The following ITGB6 variants were observed in gnomAD, a reference collection of about 807,000 sequenced individuals.
ITGB6 encodes integrin subunit beta 6.
Under a neutral mutation model 84.5 loss-of-function variants are expected in ITGB6, and 80 were observed. The ratio of observed to expected loss-of-function variants is 0.95; its 90% CI spans 0.79 to 1.14. ITGB6 has a LOEUF of 1.14. ITGB6 is among the 50% of genes most tolerant of loss of function. ITGB6 has a pLI of 0.00. For missense variants in ITGB6, 1,006 were observed against 968.0 expected (o/e 1.04, Z -0.52); for synonymous variants, 383 against 354.9 (o/e 1.08, Z -0.89).
chr2:160,175,000 T>C (rs1001859669), intron 4 of ITGB6, among the ~76,000 whole-genome samples: 2 of 152,230 alleles, frequency 1.3e-5, no homozygotes, highest in African/African-American at 4.8e-5. Flanking sequence ...GTAGGCTCAC[T>C]GGCGTGCATT....
At chr2:160,155,456 T>C (rs1684589433) in intron 7 of ITGB6, among the ~76,000 whole-genome samples, 2 of 152,174 alleles carry the variant, frequency 1.3e-5, no homozygotes, top group Admixed American at 6.5e-5. Flanking sequence ...CTCTGGACTT[T>C]GGGTGATAAT....
At chr2:160,134,280 T>A (rs944192124) in intron 10 of ITGB6, among the ~76,000 whole-genome samples, 3 of 152,294 alleles carry the variant, frequency 2.0e-5, no homozygotes, top group African/African-American at 7.2e-5. Flanking sequence ...TAAACACCTC[T>A]ATGCAAATAA....
At chr2:160,156,965 T>G (rs1327261233) in intron 7 of ITGB6, among the ~76,000 whole-genome samples, 1 of 152,158 alleles carries the variant, frequency 6.6e-6, no homozygotes, top group African/African-American at 2.4e-5. Flanking sequence ...TCCCACAAAC[T>G]GGGTGGCTTG....
chr2:160,128,676 G>A (rs145522139), intron 10 of ITGB6, among the ~76,000 whole-genome samples: 138 of 152,262 alleles, frequency 9.1e-4, no homozygotes, highest in African/African-American at 3.2e-3. Flanking sequence ...AAGAGACAGA[G>A]GGATGGAATT....
At chr2:160,180,293 A>T (rs957418750) in intron 4 of ITGB6, among the ~76,000 whole-genome samples, 4 of 152,116 alleles carry the variant, frequency 2.6e-5, no homozygotes, top group Non-Finnish European at 4.4e-5. Flanking sequence ...AAACATAAAG[A>T]TTAGATTAAA....
At chr2:160,147,391 A>G (rs1287102661) in intron 7 of ITGB6, among the ~76,000 whole-genome samples, 1 of 152,210 alleles carries the variant, frequency 6.6e-6, no homozygotes, top group Non-Finnish European at 1.5e-5. Context: ...AGATTAATAA[A>G]TAAGACTTAA....
chr2:160,134,251 C>G (rs1217618785), intron 10 of ITGB6, among the ~76,000 whole-genome samples: 1 of 152,200 alleles, frequency 6.6e-6, no homozygotes, highest in Non-Finnish European at 1.5e-5. Context: ...GAAATAAAAA[C>G]TACCATCAGA....
At position 160,112,305 on chromosome 2, in the gene ITGB6, T is replaced by C. The variant is rs370964759; in HGVS notation, c.1982-106A>G. 32 of 1,090,142 alleles carry C rather than the reference T, an allele frequency of 2.9e-5. 1 individual carries two copies. The African/African-American group carries it at 5.0e-4, about 17-fold the overall frequency. 67.5% of individuals were successfully genotyped at this position (1,090,142 alleles called of 1,614,324 possible). ...AATATGTAAATTAGAGTTTTCAATATTGCAGAATGAGAATAGGAGAGGCAT... is the reference window on the plus strand; with the variant it reads ...AATATGTAAATTAGAGTTTTCAATACTGCAGAATGAGAATAGGAGAGGCAT... On this transcript the variant is annotated intron_variant, in intron 12 of 14. Transcript: ENST00000283249.
chr2:160,119,536 C>A (rs964404057), intron 12 of ITGB6, among the ~76,000 whole-genome samples: 7 of 151,718 alleles, frequency 4.6e-5, no homozygotes, highest in African/African-American at 1.2e-4. Context: ...TAAAGACTTA[C>A]ATGTTAGACC....
At chr2:160,111,617 C>A in intron 13 of ITGB6, among the ~76,000 whole-genome samples, 1 of 60,694 alleles carries the variant, frequency 1.6e-5, no homozygotes. Context: ...TTTTTTTTGG[C>A]AGAGTCTCAC....
intron 7 of ITGB6, among the ~76,000 whole-genome samples, chr2:160,154,488 T>C (rs1684549324): frequency 6.6e-6 from 1 of 152,086 alleles, no homozygotes; most frequent in Non-Finnish European, 1.5e-5. Flanking sequence ...ATGTAAATGA[T>C]GAGTTGATGG....
Position 160,112,129 on chromosome 2 carries a change from T to G in ITGB6, c.2052A>C (p.Ile684=). 6.2e-7 allele frequency: 1 copy of G among 1,612,754 alleles called. No homozygotes were observed. Among genetic ancestry groups the G allele is most frequent in the South Asian group, 1.1e-5 (1 of 90,828 alleles). Residue 684 remains isoleucine (I), a synonymous_variant, in exon 13 of 15, where the codon ATA becomes ATC. Coordinates refer to ENST00000283249, the MANE Select transcript of ITGB6 (RefSeq NM_000888.5). ...GENECLITFL[I]TTDNEGKTII... ...TGGTTTTCCCCTCATTATCTGTAGTTATTAGGAATGTAATAAGACATTCAT... is the reference window on the plus strand; with the variant it reads ...TGGTTTTCCCCTCATTATCTGTAGTGATTAGGAATGTAATAAGACATTCAT...
In ITGB6 at chr2:160,101,837, GGA is replaced by G. The variant is rs778344928; in HGVS notation, c.2269-5_2269-4del. On this transcript the variant is annotated splice_polypyrimidine_tract_variant and splice_region_variant and intron_variant, in intron 14 of 14. Coordinates refer to ENST00000283249, the MANE Select transcript of ITGB6 (RefSeq NM_000888.5). ...CCTCTGTAGAGTGGATTGGTTCCCT[GGA>G]AAAAAAAAAAAGATTCAAGTGAAAG... The G allele has an allele frequency of 2.2e-5, 28 of 1,269,246 alleles. No homozygotes were observed. The East Asian group carries it at 4.8e-4, about 22-fold the overall frequency. The allele number at this position is 1,269,246 out of a possible 1,614,324, so 78.6% of individuals were successfully genotyped here.
chr2:160,114,438 G>C (rs1682670512), intron 12 of ITGB6, among the ~76,000 whole-genome samples: 1 of 152,180 alleles, frequency 6.6e-6, no homozygotes, highest in Non-Finnish European at 1.5e-5. Flanking sequence ...ACCATACTCA[G>C]AGAAGGAAGA....
chr2:160,118,363 T>C (rs892616124), intron 12 of ITGB6, among the ~76,000 whole-genome samples: 5 of 152,116 alleles, frequency 3.3e-5, no homozygotes, highest in African/African-American at 9.7e-5. Flanking sequence ...ATTCAACATA[T>C]GCAAATCAAT....
chr2:160,148,120 A>G (rs947097241), intron 7 of ITGB6, among the ~76,000 whole-genome samples: 1 of 152,222 alleles, frequency 6.6e-6, no homozygotes, highest in East Asian at 1.9e-4. Flanking sequence ...AAGAAAACAA[A>G]CATTTCAATT....
At chr2:160,106,866 G>A (rs1009452284) in intron 14 of ITGB6, among the ~76,000 whole-genome samples, 1 of 152,160 alleles carries the variant, frequency 6.6e-6, no homozygotes, top group African/African-American at 2.4e-5. Context: ...GCGTCTACCT[G>A]TATTTTCTCC....
intron 4 of ITGB6, among the ~76,000 whole-genome samples, chr2:160,183,578 C>G (rs1044586204): frequency 6.6e-6 from 1 of 152,106 alleles, no homozygotes. Flanking sequence ...TTAGACAGAT[C>G]AATGAGACAG....
chr2:160,112,965 G>A (rs1682595344), intron 12 of ITGB6, among the ~76,000 whole-genome samples: 1 of 152,212 alleles, frequency 6.6e-6, no homozygotes, highest in South Asian at 2.1e-4. Flanking sequence ...AGTAGTCCAG[G>A]ATGTATGCCA....
Sources: allele counts gnomAD v4.1 joint callset (sites outside exome capture counted in the v4.1 genomes callset), GRCh38; gene constraint gnomAD v4.1.1; transcripts MANE v1.5; gene names NCBI Gene and HGNC (gene_info 2026-07-23, HGNC 2026-07-21).